The following CLIC5 variants were observed in gnomAD, a reference collection of about 807,000 sequenced individuals.
The protein encoded by CLIC5 is chloride intracellular channel protein 5.
Under a neutral mutation model 24.7 loss-of-function variants are expected in CLIC5, and 20 were observed. The ratio of observed to expected loss-of-function variants is 0.81; its 90% CI spans 0.57 to 1.18. The LOEUF is 1.18. CLIC5 is among the 50% of genes most tolerant of loss of function. The probability of loss-of-function intolerance (pLI) is 0.00; values close to 1 mark genes in which losing one functional copy is unlikely to be tolerated. For missense variants in CLIC5, 341 were observed against 326.1 expected (o/e 1.05, Z -0.35); for synonymous variants, 159 against 135.6 (o/e 1.17, Z -1.20).
downstream of CLIC5, among the ~76,000 whole-genome samples, chr6:45,896,522 A>T (rs1762394627): frequency 6.6e-6 from 1 of 152,238 alleles, no homozygotes; most frequent in Non-Finnish European, 1.5e-5. Flanking sequence ...CTACCTCTCC[A>T]GTCTAATACT....
the CLIC5 span, among the ~76,000 whole-genome samples, chr6:46,087,851 G>A: frequency 3.3e-5 from 5 of 152,126 alleles, no homozygotes; most frequent in East Asian, 1.9e-4. Context: ...GATGAGTTTC[G>A]AAGGAACTGG....
At chr6:46,004,001 T>C (rs924359307) in intron 1 of CLIC5, among the ~76,000 whole-genome samples, 2 of 152,120 alleles carry the variant, frequency 1.3e-5, no homozygotes, top group Admixed American at 6.5e-5. Flanking sequence ...GACCCAAAAA[T>C]GCTTCAAAAA....
chr6:46,104,154 A>C, the CLIC5 span, among the ~76,000 whole-genome samples: 3 of 152,076 alleles, frequency 2.0e-5, no homozygotes, highest in Non-Finnish European at 4.4e-5. Context: ...GCATATTCAT[A>C]TTTAATCCCT....
chr6:45,912,774 G>C, intron 5 of CLIC5: 1 of 1,374,390 alleles, frequency 7.3e-7, no homozygotes, highest in Non-Finnish European at 1.0e-6. Flanking sequence ...GATGGGTGGG[G>C]CATGCAGTAG....
the CLIC5 span, among the ~76,000 whole-genome samples, chr6:46,100,101 C>T: frequency 6.6e-6 from 1 of 152,062 alleles, no homozygotes; most frequent in Non-Finnish European, 1.5e-5. Context: ...TGCAAAGATG[C>T]CAGGCAGAAC....
the CLIC5 span, among the ~76,000 whole-genome samples, chr6:46,098,808 G>T: frequency 1.3e-4 from 20 of 152,188 alleles, no homozygotes; most frequent in Non-Finnish European, 2.1e-4. Flanking sequence ...GAGTCTGAGG[G>T]CAGTGGAGGG....
the CLIC5 span, chr6:46,097,425 C>T: frequency 2.0e-5 from 3 of 152,214 alleles, no homozygotes; most frequent in Non-Finnish European, 4.4e-5. Flanking sequence ...GGATAGATGC[C>T]ATTGATGTAC....
intron 1 of CLIC5, among the ~76,000 whole-genome samples, chr6:46,067,738 T>A (rs1010154416): frequency 6.6e-5 from 10 of 152,096 alleles, no homozygotes; most frequent in African/African-American, 2.4e-4. Flanking sequence ...TTCTAATGAG[T>A]GCCTGAGAAC....
chr6:46,048,878 C>T (rs754601120), intron 1 of CLIC5, among the ~76,000 whole-genome samples: 11 of 152,076 alleles, frequency 7.2e-5, no homozygotes, highest in Non-Finnish European at 1.5e-4. Context: ...ACCGTGGCCA[C>T]AGTAGGGAAA....
intron 3 of CLIC5, among the ~76,000 whole-genome samples, chr6:45,946,566 G>T (rs552648229): frequency 6.6e-6 from 1 of 152,340 alleles, no homozygotes; most frequent in East Asian, 1.9e-4. Flanking sequence ...TGGTTATGAG[G>T]GTTTTGCTGC....
At chr6:46,046,041 G>T (rs1013620582) in intron 1 of CLIC5, among the ~76,000 whole-genome samples, 3 of 152,192 alleles carry the variant, frequency 2.0e-5, no homozygotes, top group African/African-American at 7.2e-5. Flanking sequence ...GCTGAGGAGA[G>T]GGTGCCAGAA....
At chr6:45,962,787 C>T (rs1043350092) in intron 1 of CLIC5, among the ~76,000 whole-genome samples, 2 of 152,214 alleles carry the variant, frequency 1.3e-5, no homozygotes, top group Non-Finnish European at 2.9e-5. Flanking sequence ...TCCAGTGGTG[C>T]CTTTGATGCA....
chr6:46,070,979 G>A (rs1276871707), intron 1 of CLIC5, among the ~76,000 whole-genome samples: 1 of 152,078 alleles, frequency 6.6e-6, no homozygotes, highest in East Asian at 1.9e-4. Context: ...ATGGGGAGAG[G>A]ACTCCCTATT....
At chr6:46,109,445 C>T in the CLIC5 span, among the ~76,000 whole-genome samples, 4 of 140,084 alleles carry the variant, frequency 2.9e-5, no homozygotes, top group Non-Finnish European at 4.5e-5. Context: ...TTTGGGAGGC[C>T]GAGGCGGGTG....
chr6:45,927,419 T>C (rs1014721114), intron 4 of CLIC5, among the ~76,000 whole-genome samples: 1 of 152,144 alleles, frequency 6.6e-6, no homozygotes, highest in African/African-American at 2.4e-5. Context: ...AACCAGGATA[T>C]GCCACCCCCA....
chr6:46,032,510 TCTA>T (rs1397072408), intron 1 of CLIC5, among the ~76,000 whole-genome samples: 69 of 152,320 alleles, frequency 4.5e-4, no homozygotes, highest in Non-Finnish European at 8.8e-5. Context: ...AGGTGTTAGT[TCTA>T]ATTAAGTGTT....
downstream of CLIC5, among the ~76,000 whole-genome samples, chr6:45,896,786 CA>C (rs1762398781): frequency 6.6e-6 from 1 of 152,168 alleles, no homozygotes; most frequent in Non-Finnish European, 1.5e-5. Flanking sequence ...AACCAAGACA[CA>C]GAGAGATGAT....
chr6:45,950,404 A>AC (rs1374689672), intron 2 of CLIC5, among the ~76,000 whole-genome samples: 1 of 151,788 alleles, frequency 6.6e-6, no homozygotes, highest in Non-Finnish European at 1.5e-5. Context: ...TTTACAAAAA[A>AC]AAAAAACAAA....
the CLIC5 span, among the ~76,000 whole-genome samples, chr6:46,128,176 C>T: frequency 6.6e-6 from 1 of 152,182 alleles, no homozygotes; most frequent in Non-Finnish European, 1.5e-5. Flanking sequence ...TTTTGTCCCT[C>T]TGTTCCTGAC....
Sources: gnomAD v4.1 joint callset for allele counts (sites outside exome capture counted in the v4.1 genomes callset) on GRCh38, gnomAD v4.1.1 for gene constraint, MANE v1.5 for transcripts, NCBI Gene and HGNC (gene_info 2026-07-23, HGNC 2026-07-21) for gene names.